The following STON2 variants were observed in gnomAD, a reference collection of about 807,000 sequenced individuals.
STON2 encodes stonin-2.
In STON2, 29 loss-of-function variants were observed where a neutral mutation model predicts 65.7. The ratio of observed to expected loss-of-function variants is 0.44; its 90% confidence interval spans 0.33 to 0.60. The LOEUF (loss-of-function observed/expected upper bound fraction) is 0.60, where lower values mean the gene tolerates loss of function less well. Ranked by LOEUF, STON2 falls within the 20% of genes least tolerant of loss-of-function variation. The pLI is 0.03. For missense variants in STON2, 1,054 were observed against 1,118.1 expected (o/e 0.94, Z 0.82); for synonymous variants, 404 against 414.2 (o/e 0.98, Z 0.30).
chr14:81,431,846 G>A (rs1490846741), intron 1 of STON2, among the ~76,000 whole-genome samples: 1 of 151,946 alleles, frequency 6.6e-6, no homozygotes, highest in African/African-American at 2.4e-5. Context: ...TTGGGAGACT[G>A]AGGCAGGAGA....
chr14:81,327,234 T>C (rs1372760289), intron 4 of STON2, among the ~76,000 whole-genome samples: 1 of 152,210 alleles, frequency 6.6e-6, no homozygotes, highest in Non-Finnish European at 1.5e-5. Flanking sequence ...TCTAAATATA[T>C]CAAATTTTTT....
At chr14:81,370,206 C>G (rs3844531) in intron 4 of STON2, among the ~76,000 whole-genome samples, 132,743 of 152,226 alleles carry the variant, frequency 0.87, 58,156 homozygotes, top group African/African-American at 0.96. Context: ...AAAAACAAAT[C>G]TTGTCAACAC....
chr14:81,396,337 A>T (rs1900321629), intron 2 of STON2, among the ~76,000 whole-genome samples, 159 bp from the exon 3 acceptor site: 2 of 152,186 alleles, frequency 1.3e-5, no homozygotes, highest in Admixed American at 1.3e-4. Flanking sequence ...CTGCATGTTA[A>T]ATGACTGTTT....
chr14:81,322,547 G>A (rs981985497), intron 5 of STON2, among the ~76,000 whole-genome samples: 2 of 152,052 alleles, frequency 1.3e-5, no homozygotes, highest in African/African-American at 4.8e-5. Context: ...GGAAACTAGA[G>A]CCGCAAAAAA....
chr14:81,369,402 A>C (rs1384761651), intron 4 of STON2, among the ~76,000 whole-genome samples: 1 of 152,202 alleles, frequency 6.6e-6, no homozygotes. Context: ...TGAACCTCCA[A>C]GAATTAAAGC....
chr14:81,304,798 T>C (rs2140193331), intron 5 of STON2, among the ~76,000 whole-genome samples: 1 of 152,328 alleles, frequency 6.6e-6, no homozygotes, highest in Middle Eastern at 3.4e-3. Flanking sequence ...TTAGCCTTTC[T>C]TGTTATTCTG....
intron 2 of STON2, among the ~76,000 whole-genome samples, chr14:81,421,668 T>C (rs1275937321): frequency 6.6e-6 from 1 of 152,158 alleles, no homozygotes; most frequent in African/African-American, 2.4e-5. Context: ...AAAAAAACCT[T>C]TGGAAAACTG....
At chr14:81,338,738 A>G (rs931908715) in intron 4 of STON2, among the ~76,000 whole-genome samples, 1 of 152,200 alleles carries the variant, frequency 6.6e-6, no homozygotes, top group African/African-American at 2.4e-5. Flanking sequence ...AGAACATTTC[A>G]TTGGTGTCTG....
intron 3 of STON2, among the ~76,000 whole-genome samples, chr14:81,384,045 G>A (rs569279758): frequency 2.0e-5 from 3 of 151,976 alleles, no homozygotes; most frequent in African/African-American, 7.2e-5. Context: ...CCTTCCACAT[G>A]GAAGACTCCT....
upstream of STON2, among the ~76,000 whole-genome samples, chr14:81,403,127 A>C (rs1900686501): frequency 6.6e-6 from 1 of 152,198 alleles, no homozygotes; most frequent in Admixed American, 6.5e-5. Flanking sequence ...GAACTGAGTT[A>C]TTTGAAAGAC....
chr14:81,355,371 T>C (rs987903110), intron 4 of STON2, among the ~76,000 whole-genome samples: 1 of 151,326 alleles, frequency 6.6e-6, no homozygotes, highest in Non-Finnish European at 1.5e-5. Flanking sequence ...CAAAGACAAA[T>C]AAAAAATTAT....
Position 81,336,360 on chromosome 14 carries a change from T to TC in STON2, c.572-12174dup, listed in dbSNP as rs1201133287. ...TAAGGCTTAGTGGGGTTGAGTGATT[T>TC]CCCCAGGTCTTATGGCTGCTAAGTG... On this transcript the variant is annotated intron_variant, in intron 4 of 7. Coordinates refer to ENST00000614646, the MANE Select transcript of STON2 (RefSeq NM_001394390.1). Among the ~76,000 whole-genome samples the TC allele has an allele frequency of 3.3e-5, 5 of 152,000 alleles. No homozygotes were observed. In the South Asian group the frequency reaches 1.0e-3, roughly 32 times the overall value.
intron 1 of STON2, among the ~76,000 whole-genome samples, chr14:81,434,523 G>A (rs537439639): frequency 6.6e-6 from 1 of 152,240 alleles, no homozygotes; most frequent in Admixed American, 6.5e-5. Context: ...TCATTCTAAG[G>A]CTCCTGGCAA....
rs1203179341 is a variant in STON2, at chr14:81,371,254, T to C, written c.374-69A>G. ...GTACTTTGTTTATCTTTAGTGCTTA[T>C]CTTACTTTGATGTTGCTCACATCAT... On this transcript the variant is annotated intron_variant, in intron 3 of 7. Coordinates refer to ENST00000614646, the MANE Select transcript of STON2 (RefSeq NM_001394390.1). The C allele has an allele frequency of 4.2e-6, 6 of 1,441,292 alleles. No individual in the cohort carries two copies. In the East Asian group the frequency reaches 6.9e-5, roughly 17 times the overall value. The allele number at this position is 1,441,292 out of a possible 1,614,324, so 89.3% of individuals were successfully genotyped here. A position where few individuals can be genotyped will look rare whatever the true frequency, so the allele number is the denominator to read the frequency against.
intron 4 of STON2, among the ~76,000 whole-genome samples, chr14:81,331,712 G>C (rs1039801062): frequency 6.6e-6 from 1 of 152,192 alleles, no homozygotes; most frequent in African/African-American, 2.4e-5. Context: ...CGTTGGACTT[G>C]GGTTAAAAGC....
chr14:81,315,060 C>T (rs192527933), intron 5 of STON2, among the ~76,000 whole-genome samples: 90 of 152,238 alleles, frequency 5.9e-4, no homozygotes, highest in Non-Finnish European at 1.2e-3. Context: ...CAGTAAACAA[C>T]GAAGATACAG....
At chr14:81,353,150 C>A (rs1017350984) in intron 4 of STON2, among the ~76,000 whole-genome samples, 5 of 152,012 alleles carry the variant, frequency 3.3e-5, no homozygotes, top group East Asian at 1.9e-4. Flanking sequence ...CAGTAAAATT[C>A]AAATAAGAAC....
intron 3 of STON2, among the ~76,000 whole-genome samples, chr14:81,385,920 G>A (rs1409643405): frequency 1.3e-5 from 2 of 152,200 alleles, no homozygotes; most frequent in African/African-American, 4.8e-5. Context: ...GCTAGAGAGT[G>A]GAGGTGGAGG....
chr14:81,318,133 T>C (rs1168326217), intron 5 of STON2, among the ~76,000 whole-genome samples: 4 of 151,580 alleles, frequency 2.6e-5, no homozygotes, highest in African/African-American at 4.9e-5. Flanking sequence ...GCCCGGCTAA[T>C]TTGTATTTTT....
Sources: allele counts gnomAD v4.1 joint callset (sites outside exome capture counted in the v4.1 genomes callset), GRCh38; gene constraint gnomAD v4.1.1; transcripts MANE v1.5; gene names NCBI Gene and HGNC (gene_info 2026-07-23, HGNC 2026-07-21).